DPYS: variants seen among roughly 807,000 people sequenced by gnomAD.
The protein encoded by DPYS is dihydropyrimidinase.
Under a neutral mutation model 50.3 loss-of-function variants are expected in DPYS, and 39 were observed. The observed-to-expected ratio is 0.78, with a 90% confidence interval of 0.60 to 1.01. DPYS has a LOEUF of 1.01. Ranked by LOEUF, DPYS falls within the 50% of genes least tolerant of loss-of-function variation. DPYS has a pLI of 0.00. For missense variants in DPYS, 659 were observed against 680.9 expected (o/e 0.97, Z 0.36); for synonymous variants, 245 against 250.7 (o/e 0.98, Z 0.22).
chr8:104,430,526 T>C (rs1365703818), intron 4 of DPYS, among the ~76,000 whole-genome samples: 2 of 152,204 alleles, frequency 1.3e-5, no homozygotes, highest in Non-Finnish European at 2.9e-5. Flanking sequence ...AGTAGAGAGA[T>C]GCTGGCATAC....
At chr8:104,397,430 T>C (rs941727736) in intron 7 of DPYS, among the ~76,000 whole-genome samples, 2 of 152,176 alleles carry the variant, frequency 1.3e-5, no homozygotes, top group Admixed American at 1.3e-4. Flanking sequence ...TTTAGTCAGG[T>C]TGGTTTAAAT....
At chr8:104,421,313 C>T (rs1812532622) in intron 7 of DPYS, 1 of 152,144 alleles carries the variant, frequency 6.6e-6, no homozygotes, top group African/African-American at 2.4e-5. Context: ...TAATGTCCTT[C>T]ATAAAGTGAA....
chr8:104,445,749 A>G (rs1359494472), intron 3 of DPYS, among the ~76,000 whole-genome samples: 1 of 152,188 alleles, frequency 6.6e-6, no homozygotes, highest in Non-Finnish European at 1.5e-5. Context: ...ACTATAGTCA[A>G]TAATTGCACC....
chr8:104,432,172 T>A (rs1289398319), intron 4 of DPYS, among the ~76,000 whole-genome samples: 1 of 152,240 alleles, frequency 6.6e-6, no homozygotes, highest in Non-Finnish European at 1.5e-5. Flanking sequence ...GTATCGTCTC[T>A]ACCCATAGAT....
chr8:104,431,530 A>G (rs1438672868), intron 4 of DPYS, among the ~76,000 whole-genome samples: 1 of 152,016 alleles, frequency 6.6e-6, no homozygotes, highest in Non-Finnish European at 1.5e-5. Flanking sequence ...GCATTTTCAA[A>G]GGACTAAAAA....
rs534517817 is a variant in DPYS, at chr8:104,448,017, G to A, written c.424-514C>T. On this transcript the variant is annotated intron_variant, in intron 2 of 9. Transcript: ENST00000351513. Reference sequence around the variant, plus strand: ...TCATGGTTTAGCTGTAGAGCCAGCCGTGGTGGCATGGGACCCATTGGCAGC... The same window carrying A: ...TCATGGTTTAGCTGTAGAGCCAGCCATGGTGGCATGGGACCCATTGGCAGC... 1.2e-3 allele frequency among the ~76,000 whole-genome samples: 190 copies of A among 152,346 alleles called. 3 individuals are homozygous for A. In the South Asian group the frequency reaches 0.038, roughly 30 times the overall value.
Position 104,444,399 on chromosome 8 carries a change from A to G in DPYS, c.642T>C (p.Pro214=), listed in dbSNP as rs1222908956. 2 of 1,614,116 alleles carry G rather than the reference A, an allele frequency of 1.2e-6. No individual in the cohort carries two copies. Among genetic ancestry groups the G allele is most frequent in the Non-Finnish European group, 1.7e-6 (2 of 1,180,050 alleles). ...KKMLALGITG[P]EGHELCRPEA... is the part of the protein sequence containing the mutation. The stretch of plus-strand genomic sequence containing the variant: ...CTGGGCGGCACAGCTCGTGGCCCTC[A>G]GGGCCTGTTATCCCCAGAGCCAACA... The change falls in exon 4 of 10, where the codon CCT becomes CCC. Residue 214 remains proline (P), a synonymous_variant. Coordinates refer to ENST00000351513, the MANE Select transcript of DPYS (RefSeq NM_001385.3).
chr8:104,399,479 A>ATC (rs1811715668), intron 7 of DPYS, among the ~76,000 whole-genome samples: 1 of 151,892 alleles, frequency 6.6e-6, no homozygotes, highest in Non-Finnish European at 1.5e-5. Context: ...ACACTATCCC[A>ATC]TCCTGAGACA....
At chr8:104,390,043 C>T (rs193182578) in intron 8 of DPYS, among the ~76,000 whole-genome samples, 8 of 152,296 alleles carry the variant, frequency 5.3e-5, no homozygotes, top group East Asian at 1.9e-4. Flanking sequence ...TAAGGCAAAG[C>T]CAAGCATTTA....
chr8:104,402,742 C>T (rs548430149), intron 7 of DPYS, among the ~76,000 whole-genome samples: 2 of 152,242 alleles, frequency 1.3e-5, no homozygotes, highest in East Asian at 3.9e-4. Context: ...GTTCTAGCTC[C>T]ATATTTTAGG....
chr8:104,406,782 T>C (rs1812011357), intron 7 of DPYS, among the ~76,000 whole-genome samples: 1 of 152,232 alleles, frequency 6.6e-6, no homozygotes, highest in Non-Finnish European at 1.5e-5. Context: ...TGTGTATGTG[T>C]ATATCTATGC....
intron 7 of DPYS, among the ~76,000 whole-genome samples, chr8:104,416,619 A>G (rs1456813911): frequency 6.6e-6 from 1 of 152,080 alleles, no homozygotes; most frequent in African/African-American, 2.4e-5. Context: ...ATCAACTGTT[A>G]TGAGCAGGAA....
At chr8:104,385,732 T>G (rs1214454289) in intron 8 of DPYS, among the ~76,000 whole-genome samples, 1 of 152,230 alleles carries the variant, frequency 6.6e-6, no homozygotes, top group Non-Finnish European at 1.5e-5. Context: ...AATGCTGTTA[T>G]CTTAGGAGTG....
chr8:104,408,926 G>C (rs1490785647), intron 7 of DPYS, among the ~76,000 whole-genome samples: 3 of 151,096 alleles, frequency 2.0e-5, no homozygotes, highest in Non-Finnish European at 2.9e-5. Context: ...TGATTCTCCT[G>C]CCTCAGCCTC....
At chr8:104,405,891 C>T (rs757910232) in intron 7 of DPYS, among the ~76,000 whole-genome samples, 4 of 152,210 alleles carry the variant, frequency 2.6e-5, no homozygotes, top group South Asian at 2.1e-4. Flanking sequence ...CCAGATGCTC[C>T]GGGATCTGCT....
At position 104,392,917 on chromosome 8, in the gene DPYS, G is replaced by A. The variant is rs1261901340; in HGVS notation, c.1310C>T (p.Pro437Leu). ...TTTGCCTCTTGAAATAGTCACAAGG[G>A]GCACCCCGTGGCAAACCATGCCCTC... ...IFEGMVCHGV[P>L]LVTISRGKVV... The change falls in exon 8 of 10, where the codon CCC (proline) becomes CTC (leucine). Residue 437 changes from proline to leucine, a missense_variant. Physicochemically the swap from Pro to Leu is moderately conservative, Grantham distance 98. Transcript: ENST00000351513. 6.2e-7 allele frequency: 1 copy of A among 1,614,146 alleles called. No homozygotes were observed. Among genetic ancestry groups the A allele is most frequent in the Admixed American group, 1.7e-5 (1 of 60,016 alleles).
chr8:104,450,655 T>C (rs1460500824), intron 2 of DPYS, among the ~76,000 whole-genome samples: 1 of 152,172 alleles, frequency 6.6e-6, no homozygotes, highest in Non-Finnish European at 1.5e-5. Context: ...TTAAGCTCTA[T>C]TATGAAATCA....
chr8:104,387,972 T>G (rs1285039668), intron 8 of DPYS, among the ~76,000 whole-genome samples: 1 of 152,212 alleles, frequency 6.6e-6, no homozygotes, highest in Non-Finnish European at 1.5e-5. Flanking sequence ...GAATGAAGAG[T>G]TGGGCACAGA....
intron 9 of DPYS, chr8:104,380,509 T>A (rs1455367463): frequency 6.6e-6 from 1 of 152,624 alleles, no homozygotes; most frequent in African/African-American, 2.4e-5. Flanking sequence ...GCAAAGCCGC[T>A]GTTAAATGAG....
Sources: allele counts gnomAD v4.1 joint callset (sites outside exome capture counted in the v4.1 genomes callset), GRCh38; gene constraint gnomAD v4.1.1; transcripts MANE v1.5; gene names NCBI Gene and HGNC (gene_info 2026-07-23, HGNC 2026-07-21).